ATP6V0A1: variants seen among roughly 807,000 people sequenced by gnomAD.
The protein encoded by ATP6V0A1 is ATPase H+ transporting V0 subunit a1, also known as V-type proton ATPase 116 kDa subunit a 1.
ATP6V0A1 carries 43 observed loss-of-function variants against 105.4 expected under a neutral mutation model. The observed-to-expected ratio is 0.41, with a 90% CI of 0.32 to 0.53. ATP6V0A1 has a LOEUF of 0.53. ATP6V0A1 is among the 20% of genes least tolerant of loss of function. The pLI, the probability that ATP6V0A1 is intolerant of heterozygous loss-of-function variation, is 0.30. For synonymous variants in ATP6V0A1, 362 were observed against 372.8 expected (o/e 0.97, Z 0.33); for missense variants, 676 against 1,051.1 (o/e 0.64, Z 4.93).
intron 9 of ATP6V0A1, among the ~76,000 whole-genome samples, chr17:42,484,911 G>A (rs1030392798): frequency 4.7e-5 from 7 of 148,748 alleles, no homozygotes; most frequent in South Asian, 2.1e-4. Context: ...GTGCAGTGGC[G>A]CGATCTCGGC....
chr17:42,494,887 A>T, intron 12 of ATP6V0A1, 147 bp from the exon 13 acceptor site: 1 of 766,750 alleles, frequency 1.3e-6, no homozygotes. Context: ...TCTCATTAGC[A>T]TTGTATTTTG....
chr17:42,509,871 T>A (rs1455437515), intron 19 of ATP6V0A1: 2 of 152,244 alleles, frequency 1.3e-5, no homozygotes, highest in African/African-American at 2.4e-5. Context: ...TACCCTTGGC[T>A]ACCCAAGTAG....
intron 2 of ATP6V0A1, among the ~76,000 whole-genome samples, chr17:42,463,370 T>C (rs1370928961): frequency 1.3e-5 from 2 of 152,174 alleles, no homozygotes; most frequent in Non-Finnish European, 1.5e-5. Context: ...CTACCCTTCA[T>C]AGGTAACCTC....
At chr17:42,497,300 CAAAA>C (rs1220778376) in intron 14 of ATP6V0A1, among the ~76,000 whole-genome samples, 78 of 57,544 alleles carry the variant, frequency 1.4e-3, no homozygotes, top group African/African-American at 4.5e-3. Flanking sequence ...GACCCTGTCT[CAAAA>C]AAAAAAAAAA....
Position 42,483,060 on chromosome 17 carries a change from T to C in ATP6V0A1, c.739T>C (p.Cys247Arg). The part of the protein sequence containing the change: ...CEGFRASLYP[C>R]PETPQERKEM... ...CAGGTTCCGAGCCTCACTCTATCCC[T>C]GTCCTGAGACACCACAGGAGAGGAA... is the stretch of plus-strand genomic sequence containing the variant. Residue 247 changes from cysteine (C) to arginine (R), a missense_variant, in exon 9 of 22, where the codon TGT becomes CGT. Around this residue, in one of 3 missense-constraint regions of ATP6V0A1, gnomAD observed 239 missense variants for 388.4 expected, o/e 0.62. Transcript: ENST00000343619. The C allele has an allele frequency of 6.4e-7, 1 of 1,560,782 alleles. No individual in the cohort carries two copies. The highest frequency in any genetic ancestry group is 8.7e-7 in the Non-Finnish European group (1 of 1,150,930).
Position 42,513,960 on chromosome 17 carries a change from C to T in ATP6V0A1, c.2230C>T (p.Leu744Phe). The change falls in exon 20 of 22, where the codon CTC becomes TTC. Residue 744 changes from leucine to phenylalanine, a missense_variant. Physicochemically the swap from Leu to Phe is conservative, Grantham distance 22 (BLOSUM62 0). Coordinates refer to ENST00000343619, the MANE Select transcript of ATP6V0A1 (RefSeq NM_001130021.3). ...NTASYLRLWALSLAHAQLSEV... is the reference protein window; with the variant it reads ...NTASYLRLWAFSLAHAQLSEV... ...TGCCTCCTACTTGCGGCTCTGGGCCCTCAGCCTCGCTCATGCGCGTGAGTA... is the reference window on the plus strand; with the variant it reads ...TGCCTCCTACTTGCGGCTCTGGGCCTTCAGCCTCGCTCATGCGCGTGAGTA... 1 of 1,614,130 alleles carries T rather than the reference C, an allele frequency of 6.2e-7. No individual in the cohort carries two copies. Among genetic ancestry groups the T allele is most frequent in the Non-Finnish European group, 8.5e-7 (1 of 1,179,944 alleles).
intron 6 of ATP6V0A1, among the ~76,000 whole-genome samples, chr17:42,477,974 A>G (rs889579015): frequency 7.0e-4 from 107 of 152,134 alleles, no homozygotes; most frequent in Admixed American, 6.4e-3. Context: ...ATGTCCATCA[A>G]TGATAGACTG....
intron 21 of ATP6V0A1, among the ~76,000 whole-genome samples, chr17:42,517,005 T>A (rs2092653629): frequency 6.6e-6 from 1 of 152,130 alleles, no homozygotes. Flanking sequence ...CCTTACTGGG[T>A]GCGATGGCTC....
At chr17:42,497,862 C>A (rs974219644) in intron 14 of ATP6V0A1, among the ~76,000 whole-genome samples, 1 of 149,716 alleles carries the variant, frequency 6.7e-6, no homozygotes, top group Admixed American at 6.7e-5. Flanking sequence ...ATGGTGAAAA[C>A]CCCACCTTGC....
At chr17:42,520,308 A>G (rs571092428) in intron 21 of ATP6V0A1, 31 of 383,316 alleles carry the variant, frequency 8.1e-5, no homozygotes, top group Non-Finnish European at 1.4e-4. Context: ...AAGCACAGCC[A>G]AGCAGCCTCG....
chr17:42,482,884 A>C (rs2089694541), intron 8 of ATP6V0A1, among the ~76,000 whole-genome samples, 154 bp from the exon 9 acceptor site: 1 of 148,670 alleles, frequency 6.7e-6, no homozygotes, highest in South Asian at 2.2e-4. Flanking sequence ...TGACAGAGTG[A>C]AACTCTGTCT....
At chr17:42,492,570 G>A (rs1464405678) in intron 11 of ATP6V0A1, among the ~76,000 whole-genome samples, 1 of 151,394 alleles carries the variant, frequency 6.6e-6, no homozygotes, top group Admixed American at 6.6e-5. Flanking sequence ...GCCAGGCATG[G>A]TGGCTCTTGC....
intron 11 of ATP6V0A1, among the ~76,000 whole-genome samples, chr17:42,493,419 G>C (rs545074964): frequency 3.5e-4 from 53 of 152,270 alleles, no homozygotes; most frequent in Admixed American, 2.4e-3. Context: ...CTGGGAGCAG[G>C]GTCCCACGAG....
At chr17:42,494,741 CT>C (rs569016110) in intron 12 of ATP6V0A1, 480 of 467,450 alleles carry the variant, frequency 1.0e-3, no homozygotes, top group Non-Finnish European at 1.5e-3. Flanking sequence ...GACCCCATCT[CT>C]AAAAAAATAA....
intron 17 of ATP6V0A1, among the ~76,000 whole-genome samples, chr17:42,504,027 C>CGA (rs1254136264): frequency 6.6e-6 from 1 of 152,136 alleles, no homozygotes; most frequent in Admixed American, 6.5e-5. Context: ...TTAAGTCTTG[C>CGA]GACTTCTTCT....
chr17:42,470,162 C>T lies in ATP6V0A1; in HGVS notation c.367C>T (p.Leu123=). The change falls in exon 5 of 22, where the codon CTG becomes TTG. Residue 123 remains leucine (L), a synonymous_variant. Coordinates refer to ENST00000343619, the MANE Select transcript of ATP6V0A1 (RefSeq NM_001130021.3). ...TNQEALKRNF[L]ELTELKFILR... ...CCAGGAAGCTCTGAAGAGAAACTTC[C>T]TGGAACTGACCGAATTAAAATTTAT... 2.5e-6 allele frequency: 4 copies of T among 1,612,642 alleles called. No individual in the cohort carries two copies. The highest frequency in any genetic ancestry group is 3.4e-6 in the Non-Finnish European group (4 of 1,179,206).
chr17:42,478,650 C>G (rs929832706), intron 7 of ATP6V0A1, 61 bp downstream of exon 7: 3 of 1,468,990 alleles, frequency 2.0e-6, no homozygotes, highest in Non-Finnish European at 1.8e-6. Context: ...AGAGCAGTAA[C>G]GTAGCATGGG....
intron 2 of ATP6V0A1, among the ~76,000 whole-genome samples, chr17:42,464,043 G>A (rs2086748108): frequency 6.6e-6 from 1 of 152,144 alleles, no homozygotes; most frequent in African/African-American, 2.4e-5. Context: ...GCTGGCCGAG[G>A]TGGAGGAAAA....
intron 11 of ATP6V0A1, among the ~76,000 whole-genome samples, chr17:42,492,700 C>CTT (rs1376274427): frequency 1.2e-5 from 1 of 85,588 alleles, no homozygotes; most frequent in Non-Finnish European, 2.2e-5. Context: ...GAGTGAAACT[C>CTT]TGTCTCAAAA....
Sources: allele counts gnomAD v4.1 joint callset (sites outside exome capture counted in the v4.1 genomes callset), GRCh38; gene constraint gnomAD v4.1.1; regional missense constraint gnomAD v4.1.1; transcripts MANE v1.5; gene names NCBI Gene and HGNC (gene_info 2026-07-23, HGNC 2026-07-21).